Variants in PTPRN2 observed in about 807,000 individuals in gnomAD.
PTPRN2 encodes the protein protein tyrosine phosphatase receptor type N2, also known as receptor-type tyrosine-protein phosphatase N2.
A neutral mutation model predicts 118.8 loss-of-function variants in PTPRN2; 74 were observed. That is an observed-to-expected ratio of 0.62 (90% CI 0.52 to 0.76). The LOEUF (loss-of-function observed/expected upper bound fraction) is 0.76, where lower values mean the gene tolerates loss of function less well. Among genes scored for constraint, PTPRN2 ranks in the 30% least tolerant of loss-of-function variants. The probability of loss-of-function intolerance (pLI) is 0.00; values close to 1 mark genes in which losing one functional copy is unlikely to be tolerated. For missense variants in PTPRN2, 1,481 were observed against 1,394.4 expected (o/e 1.06, Z -0.99); for synonymous variants, 641 against 608.0 (o/e 1.05, Z -0.80).
chr7:158,407,270 G>C (rs375774652), intron 2 of PTPRN2, among the ~76,000 whole-genome samples: 232 of 17,078 alleles, frequency 0.014, 3 homozygotes, highest in Admixed American at 0.029. Flanking sequence ...CTGGGTCCTG[G>C]GTCCTGGGTC....
intron 2 of PTPRN2, among the ~76,000 whole-genome samples, chr7:158,489,007 G>T (rs1821237003): frequency 6.6e-6 from 1 of 152,258 alleles, no homozygotes; most frequent in Admixed American, 6.5e-5. Flanking sequence ...TGACCGCGCT[G>T]GAGGGAAGGG....
intron 4 of PTPRN2, among the ~76,000 whole-genome samples, chr7:158,199,946 T>C (rs1826503543): frequency 6.6e-6 from 1 of 152,064 alleles, no homozygotes; most frequent in African/African-American, 2.4e-5. Flanking sequence ...TCCATTACTA[T>C]AAAATCGCTT....
intron 1 of PTPRN2, among the ~76,000 whole-genome samples, chr7:158,548,178 A>T: frequency 6.6e-6 from 1 of 152,178 alleles, no homozygotes. Flanking sequence ...CCAGCACTGG[A>T]GGAGATCAGG....
chr7:157,670,901 A>G (rs1263559), intron 13 of PTPRN2, among the ~76,000 whole-genome samples: 8,500 of 152,290 alleles, frequency 0.056, 640 homozygotes, highest in East Asian at 0.36. Context: ...GAAGTAGAGA[A>G]CGGGCAGCTG....
intron 1 of PTPRN2, among the ~76,000 whole-genome samples, chr7:158,507,673 G>T (rs1822856623): frequency 6.7e-6 from 1 of 148,632 alleles, no homozygotes; most frequent in Admixed American, 6.7e-5. Flanking sequence ...GAACATCCAG[G>T]GGACAGCCCT....
intron 11 of PTPRN2, among the ~76,000 whole-genome samples, chr7:157,908,706 T>C (rs367832747): frequency 1.3e-5 from 2 of 152,180 alleles, no homozygotes; most frequent in Non-Finnish European, 2.9e-5. Flanking sequence ...CTTACAAAAA[T>C]ATGGACTACA....
At position 157,750,819 on chromosome 7, in the gene PTPRN2, G is replaced by A. The variant is rs567245570; in HGVS notation, c.1789-67882C>T. ...AGCTGGAAGGAAGGGTGTAAAGCCC[G>A]CCTGAGATGGCTTCCTCAGGGTTTG... On this transcript the variant is annotated intron_variant, in intron 12 of 22. Transcript: ENST00000389418. Among the ~76,000 whole-genome samples the A allele has an allele frequency of 9.2e-5, 14 of 152,334 alleles. No homozygotes were observed. The South Asian group carries it at 1.0e-3, about 11-fold the overall frequency.
At chr7:158,308,305 A>G (rs1295274188) in intron 3 of PTPRN2, among the ~76,000 whole-genome samples, 2 of 152,236 alleles carry the variant, frequency 1.3e-5, no homozygotes, top group Non-Finnish European at 2.9e-5. Context: ...AACAAAAAAC[A>G]AAGAGAATTT....
rs886350321 is a variant in PTPRN2 at position 157,929,898 on chromosome 7, G to A, written c.1724-31161C>T. 2.6e-5 allele frequency among the ~76,000 whole-genome samples: 4 copies of A among 152,160 alleles called. No homozygotes were observed. Among genetic ancestry groups the A allele is most frequent in the African/African-American group, 4.8e-5 (2 of 41,434 alleles). On this transcript the variant is annotated intron_variant, in intron 11 of 22. Transcript: ENST00000389418. The surrounding 1 kb of genome is among the most constrained non-coding windows in gnomAD (Gnocchi z 4.4). ...ATCTGAAGGCAGCCCCCACCAACGCGCTGGCTGCCTTGGGGCCAGGCATGA... is the reference window on the plus strand; with the variant it reads ...ATCTGAAGGCAGCCCCCACCAACGCACTGGCTGCCTTGGGGCCAGGCATGA...
At position 157,560,972 on chromosome 7, in the gene PTPRN2, C is replaced by T; in HGVS notation, c.2902+7930G>A. Among the ~76,000 whole-genome samples, 1 of 152,228 alleles carries T rather than the reference C, an allele frequency of 6.6e-6. No homozygotes were observed. Among genetic ancestry groups the T allele is most frequent in the East Asian group, 1.9e-4 (1 of 5,190 alleles). On this transcript the variant is annotated intron_variant, in intron 21 of 22. Coordinates refer to ENST00000389418, the MANE Select transcript of PTPRN2 (RefSeq NM_002847.5). The surrounding 1 kb of genome is among the most constrained non-coding windows in gnomAD (Gnocchi z 6.7). ...CACCTGCACCTCCTTCTCTTGGTGC[C>T]TGCGCCCAAATGTGTGGCTCTGTCT... is the stretch of plus-strand genomic sequence containing the variant.
intron 2 of PTPRN2, among the ~76,000 whole-genome samples, chr7:158,336,448 A>G (rs1805550265): frequency 1.9e-5 from 2 of 104,336 alleles, no homozygotes; most frequent in Admixed American, 9.2e-5. Flanking sequence ...TCACACCCAC[A>G]CATGTCACTC....
chr7:158,098,699 G>A (rs1334218507), intron 10 of PTPRN2, among the ~76,000 whole-genome samples: 1 of 152,192 alleles, frequency 6.6e-6, no homozygotes, highest in African/African-American at 2.4e-5. Flanking sequence ...GGGTTGCTTG[G>A]GCTCGGGGAC....
intron 3 of PTPRN2, among the ~76,000 whole-genome samples, chr7:158,245,139 G>A (rs968217267): frequency 2.6e-5 from 4 of 152,180 alleles, no homozygotes; most frequent in Non-Finnish European, 5.9e-5. Context: ...GGAATCCGTG[G>A]TCATGCCAGA....
chr7:157,887,045 G>A (rs551377471), intron 12 of PTPRN2, among the ~76,000 whole-genome samples: 8 of 152,032 alleles, frequency 5.3e-5, no homozygotes, highest in Admixed American at 3.9e-4. Flanking sequence ...TGGGGCCATC[G>A]AAGTCCTCAT....
At chr7:158,145,691 T>G (rs570444949) in intron 6 of PTPRN2, among the ~76,000 whole-genome samples, 19 of 152,358 alleles carry the variant, frequency 1.2e-4, no homozygotes, top group Non-Finnish European at 2.4e-4. Context: ...CCTGCACACT[T>G]TCTCAGGCCT....
At position 158,396,759 on chromosome 7, in the gene PTPRN2, C is replaced by T. The variant is rs894914378; in HGVS notation, c.164-79827G>A. On this transcript the variant is annotated intron_variant, in intron 2 of 22. Coordinates refer to ENST00000389418, the MANE Select transcript of PTPRN2 (RefSeq NM_002847.5). ...CATCTCCCCAAGCCGCCTCCACCTG[C>T]ACACACCAGCGGTGACCCGCCTCGG... Among the ~76,000 whole-genome samples, 79 of 152,242 alleles carry T rather than the reference C, an allele frequency of 5.2e-4. 1 individual carries two copies. Among genetic ancestry groups the T allele is most frequent in the Non-Finnish European group, 2.1e-4 (14 of 68,036 alleles).
In PTPRN2 at chr7:157,748,560, C is replaced by A. The variant is rs146760452; in HGVS notation, c.1789-65623G>T. 1.5e-3 allele frequency among the ~76,000 whole-genome samples: 181 copies of A among 116,792 alleles called. 11 individuals are homozygous for A. Among genetic ancestry groups the A allele is most frequent in the Middle Eastern group, 4.4e-3 (1 of 226 alleles). The allele number at this position is 116,792 out of a possible 152,430, so 76.6% of individuals were successfully genotyped here. A position where few individuals can be genotyped will look rare whatever the true frequency, so the allele number is the denominator to read the frequency against. On this transcript the variant is annotated intron_variant, in intron 12 of 22. Coordinates refer to ENST00000389418, the MANE Select transcript of PTPRN2 (RefSeq NM_002847.5). ...GGTGTCCGGGTGATTCTGAGGCCTG[C>A]GTCCCTGAGCTCTGGGGTGTCTGGG...
At chr7:157,880,609 T>C (rs1016932964) in intron 12 of PTPRN2, among the ~76,000 whole-genome samples, 34 of 152,172 alleles carry the variant, frequency 2.2e-4, no homozygotes, top group African/African-American at 8.2e-4. Flanking sequence ...AGGCAGGCCA[T>C]CTCCACGCTG....
intron 10 of PTPRN2, 65 bp from the exon 11 acceptor site, chr7:158,081,442 C>T (rs576780815): frequency 1.1e-4 from 162 of 1,497,500 alleles, no homozygotes; most frequent in Non-Finnish European, 1.4e-4. Flanking sequence ...TTTCTGAAAA[C>T]GACATGGAAA....
Sources: allele counts gnomAD v4.1 joint callset (sites outside exome capture counted in the v4.1 genomes callset), GRCh38; gene constraint gnomAD v4.1.1; non-coding constraint Gnocchi (gnomAD v3.1); transcripts MANE v1.5; gene names NCBI Gene and HGNC (gene_info 2026-07-23, HGNC 2026-07-21).